The following THSD7B variants were observed in gnomAD, a reference collection of about 807,000 sequenced individuals.
The protein encoded by THSD7B is thrombospondin type 1 domain containing 7B, also known as thrombospondin type-1 domain-containing protein 7B.
Under a neutral mutation model 213.6 loss-of-function variants are expected in THSD7B, and 138 were observed. The ratio of observed to expected loss-of-function variants is 0.65; its 90% CI spans 0.56 to 0.74. The LOEUF (loss-of-function observed/expected upper bound fraction) is 0.74, where lower values mean the gene tolerates loss of function less well. Ranked by LOEUF, THSD7B falls within the 30% of genes least tolerant of loss-of-function variation. The pLI, the probability that THSD7B is intolerant of heterozygous loss-of-function variation, is 0.00. For synonymous variants in THSD7B, 742 were observed against 687.0 expected (o/e 1.08, Z -1.25); for missense variants, 1,931 against 1,991.5 (o/e 0.97, Z 0.58).
chr2:137,399,237 G>C (rs62165742), intron 12 of THSD7B, among the ~76,000 whole-genome samples: 34 of 149,250 alleles, frequency 2.3e-4, no homozygotes, highest in Admixed American at 5.4e-4. Context: ...CTGTTTCCCA[G>C]GTTGTAGTGC....
chr2:136,784,255 A>T (rs1681798178), intron 1 of THSD7B, among the ~76,000 whole-genome samples: 1 of 152,240 alleles, frequency 6.6e-6, no homozygotes, highest in Non-Finnish European at 1.5e-5. Context: ...AAACAAAAGT[A>T]ATCAAAATGG....
intron 12 of THSD7B, among the ~76,000 whole-genome samples, chr2:137,309,623 A>T (rs570320266): frequency 3.3e-5 from 5 of 152,070 alleles, no homozygotes; most frequent in Non-Finnish European, 7.4e-5. Flanking sequence ...GTCATCTAGC[A>T]TTAGGTATAT....
chr2:137,571,306 A>G (rs1415848109), intron 16 of THSD7B, among the ~76,000 whole-genome samples: 1 of 152,166 alleles, frequency 6.6e-6, no homozygotes, highest in African/African-American at 2.4e-5. Flanking sequence ...TATGGCATTT[A>G]CTATAATATA....
intron 15 of THSD7B, among the ~76,000 whole-genome samples, chr2:137,489,069 C>G (rs955235680): frequency 6.6e-6 from 1 of 152,134 alleles, no homozygotes; most frequent in Non-Finnish European, 1.5e-5. Flanking sequence ...TCTAGGTTGT[C>G]TGTTATGCTA....
intron 2 of THSD7B, among the ~76,000 whole-genome samples, chr2:137,041,298 G>A (rs1251576800): frequency 6.6e-6 from 1 of 152,126 alleles, no homozygotes; most frequent in African/African-American, 2.4e-5. Context: ...GTCTCCTTGA[G>A]GTTGTTGATG....
chr2:137,527,477 T>C (rs1465697618), intron 15 of THSD7B, among the ~76,000 whole-genome samples: 1 of 152,124 alleles, frequency 6.6e-6, no homozygotes, highest in Non-Finnish European at 1.5e-5. Flanking sequence ...CCAAGGTCAG[T>C]TACCTTGCTC....
At chr2:137,596,909 C>T (rs1681971724) in intron 17 of THSD7B, among the ~76,000 whole-genome samples, 1 of 151,924 alleles carries the variant, frequency 6.6e-6, no homozygotes, top group Admixed American at 6.6e-5. Flanking sequence ...TTATGTATAA[C>T]TGTAAGGGAT....
intron 17 of THSD7B, among the ~76,000 whole-genome samples, chr2:137,583,382 T>C (rs139486235): frequency 0.22 from 33,797 of 152,062 alleles, 3,919 homozygotes; most frequent in Middle Eastern, 0.32. Context: ...GTTGCCGTTG[T>C]TTTTGGTGTT....
chr2:137,628,939 C>G (rs1682688317), intron 20 of THSD7B, among the ~76,000 whole-genome samples: 1 of 152,208 alleles, frequency 6.6e-6, no homozygotes, highest in Admixed American at 6.5e-5. Flanking sequence ...CATGGAACCT[C>G]TCACCATCAT....
intron 26 of THSD7B, among the ~76,000 whole-genome samples, chr2:137,665,934 G>T (rs139464889): frequency 6.6e-6 from 1 of 152,090 alleles, no homozygotes; most frequent in African/African-American, 2.4e-5. Flanking sequence ...TTTAAGAAGT[G>T]TATGAATTGG....
chr2:137,374,869 C>T (rs1685617344), intron 12 of THSD7B, among the ~76,000 whole-genome samples: 1 of 152,128 alleles, frequency 6.6e-6, no homozygotes, highest in Non-Finnish European at 1.5e-5. Context: ...TTTCCATGAG[C>T]CTAGCGAGTG....
chr2:137,291,145 T>C (rs1683328136), intron 12 of THSD7B, among the ~76,000 whole-genome samples: 1 of 152,156 alleles, frequency 6.6e-6, no homozygotes, highest in Admixed American at 6.5e-5. Context: ...CTACAAACGC[T>C]CATCAGCTCT....
At chr2:136,802,870 A>C (rs116248626) in intron 1 of THSD7B, among the ~76,000 whole-genome samples, 3,430 of 151,650 alleles carry the variant, frequency 0.023, 48 homozygotes, top group South Asian at 0.083. Context: ...TGAATTATTA[A>C]CACCATTATT....
At chr2:136,777,240 G>T (rs1233781360) in intron 1 of THSD7B, among the ~76,000 whole-genome samples, 1 of 152,086 alleles carries the variant, frequency 6.6e-6, no homozygotes, top group Non-Finnish European at 1.5e-5. Flanking sequence ...GAAATTGAAG[G>T]TTACTCATAA....
intron 12 of THSD7B, among the ~76,000 whole-genome samples, chr2:137,327,719 A>G (rs779275955): frequency 2.0e-5 from 3 of 152,232 alleles, no homozygotes; most frequent in Non-Finnish European, 4.4e-5. Context: ...GTAGAAGGCT[A>G]GATGTAATAA....
intron 2 of THSD7B, among the ~76,000 whole-genome samples, chr2:136,963,695 A>C (rs985681279): frequency 6.6e-6 from 1 of 152,222 alleles, no homozygotes; most frequent in Non-Finnish European, 1.5e-5. Context: ...CCTGTGTCAC[A>C]AAACAGTTTT....
At chr2:137,312,694 C>T (rs1260573982) in intron 12 of THSD7B, among the ~76,000 whole-genome samples, 1 of 146,414 alleles carries the variant, frequency 6.8e-6, no homozygotes, top group Non-Finnish European at 1.5e-5. Context: ...CCCAGAGATT[C>T]TGGTATGTTG....
intron 2 of THSD7B, among the ~76,000 whole-genome samples, chr2:136,992,617 AAC>A (rs1685808330): frequency 6.6e-6 from 1 of 152,332 alleles, no homozygotes; most frequent in East Asian, 1.9e-4. Flanking sequence ...GAAGCAAGGC[AAC>A]ACACACACTC....
chr2:137,408,067 G>A (rs1200347284), intron 13 of THSD7B, among the ~76,000 whole-genome samples: 3 of 151,918 alleles, frequency 2.0e-5, no homozygotes, highest in South Asian at 2.1e-4. Flanking sequence ...GGTTAATGCT[G>A]ATTTTGATTA....
Sources: allele counts gnomAD v4.1 joint callset (sites outside exome capture counted in the v4.1 genomes callset), GRCh38; gene constraint gnomAD v4.1.1; transcripts MANE v1.5; gene names NCBI Gene and HGNC (gene_info 2026-07-23, HGNC 2026-07-21).